Variants in CDH12 observed in about 807,000 individuals in gnomAD.
CDH12 encodes cadherin 12.
Under a neutral mutation model 74.1 loss-of-function variants are expected in CDH12, and 41 were observed. The ratio of observed to expected loss-of-function variants is 0.55; its 90% CI spans 0.43 to 0.72. The LOEUF is 0.72. Among genes scored for constraint, CDH12 ranks in the 30% least tolerant of loss-of-function variants. CDH12 has a pLI of 0.00. For synonymous variants in CDH12, 399 were observed against 355.0 expected (o/e 1.12, Z -1.39); for missense variants, 945 against 977.2 (o/e 0.97, Z 0.44).
At chr5:22,099,083 CCCA>C in intron 4 of CDH12, among the ~76,000 whole-genome samples, 1 of 152,092 alleles carries the variant, frequency 6.6e-6, no homozygotes, top group South Asian at 2.1e-4. Context: ...CTCAACATGC[CCCA>C]AGTCAGAAAA....
At chr5:22,750,035 C>T (rs565642551) in intron 1 of CDH12, among the ~76,000 whole-genome samples, 50 of 152,290 alleles carry the variant, frequency 3.3e-4, no homozygotes, top group African/African-American at 1.2e-3. Flanking sequence ...GGTAAGACAT[C>T]ATTCCTAATC....
At chr5:22,652,825 C>A (rs1012089162) in intron 1 of CDH12, among the ~76,000 whole-genome samples, 4 of 152,102 alleles carry the variant, frequency 2.6e-5, no homozygotes, top group Non-Finnish European at 5.9e-5. Context: ...AAAAGATGAT[C>A]ATCTGCAAAG....
At chr5:22,710,611 A>G (rs1024746842) in intron 1 of CDH12, among the ~76,000 whole-genome samples, 2 of 152,170 alleles carry the variant, frequency 1.3e-5, no homozygotes, top group African/African-American at 4.8e-5. Flanking sequence ...TTCTAACTTC[A>G]GATGCAATTG....
At chr5:22,082,580 A>C (rs2150229698) in intron 4 of CDH12, among the ~76,000 whole-genome samples, 1 of 152,306 alleles carries the variant, frequency 6.6e-6, no homozygotes, top group South Asian at 2.1e-4. Flanking sequence ...TTATTTCTGT[A>C]GGTTTTTATT....
At chr5:22,112,159 G>GA (rs1449590788) in intron 4 of CDH12, among the ~76,000 whole-genome samples, 18 of 151,154 alleles carry the variant, frequency 1.2e-4, no homozygotes, top group Admixed American at 5.3e-4. Context: ...TTTTGTAATT[G>GA]AAAAAAAACA....
At chr5:22,024,057 C>T (rs1316551913) in intron 5 of CDH12, among the ~76,000 whole-genome samples, 2 of 152,118 alleles carry the variant, frequency 1.3e-5, no homozygotes, top group African/African-American at 4.8e-5. Context: ...TTCCCACTAC[C>T]ATGGGGAGGT....
chr5:22,089,338 A>G (rs972979920), intron 4 of CDH12, among the ~76,000 whole-genome samples: 14 of 152,058 alleles, frequency 9.2e-5, no homozygotes, highest in South Asian at 4.1e-4. Context: ...AAACAGAAAA[A>G]TGGGATCCAC....
intron 5 of CDH12, among the ~76,000 whole-genome samples, chr5:22,042,646 G>A (rs1422860128): frequency 1.3e-5 from 2 of 151,996 alleles, no homozygotes; most frequent in African/African-American, 4.8e-5. Flanking sequence ...AGCACATTGG[G>A]AGGCCAAAGT....
At chr5:22,000,418 CCAAA>C (rs564814284) in intron 5 of CDH12, among the ~76,000 whole-genome samples, 330 of 152,248 alleles carry the variant, frequency 2.2e-3, no homozygotes, top group Non-Finnish European at 3.6e-3. Flanking sequence ...ATCTGCAAGA[CCAAA>C]CAGATAAAGC....
At chr5:22,001,370 C>A (rs1050331669) in intron 5 of CDH12, among the ~76,000 whole-genome samples, 5 of 152,040 alleles carry the variant, frequency 3.3e-5, no homozygotes, top group African/African-American at 1.2e-4. Flanking sequence ...GTATTTTGCC[C>A]AATTAAAATG....
chr5:21,949,690 C>A (rs573106815), intron 6 of CDH12, among the ~76,000 whole-genome samples: 70 of 150,960 alleles, frequency 4.6e-4, no homozygotes, highest in Admixed American at 7.9e-4. Flanking sequence ...ACAACAACAA[C>A]AAAAAAATTA....
At chr5:21,851,788 C>A (rs1393897661) in intron 7 of CDH12, among the ~76,000 whole-genome samples, 3 of 151,248 alleles carry the variant, frequency 2.0e-5, no homozygotes, top group African/African-American at 7.3e-5. Flanking sequence ...CTTGCCATAT[C>A]CACTTAGATA....
chr5:22,737,562 AGAAATT>A (rs1744800500), intron 1 of CDH12, among the ~76,000 whole-genome samples: 2 of 152,038 alleles, frequency 1.3e-5, no homozygotes, highest in Admixed American at 6.6e-5. Context: ...AAATAGAAAT[AGAAATT>A]ACTAACAAAA....
At chr5:22,849,502 C>T (rs959887300) in intron 1 of CDH12, among the ~76,000 whole-genome samples, 3 of 152,128 alleles carry the variant, frequency 2.0e-5, no homozygotes, top group African/African-American at 7.2e-5. Flanking sequence ...AAATACACTA[C>T]CTGTGTCCTA....
At chr5:22,811,445 C>G (rs959675573) in intron 1 of CDH12, among the ~76,000 whole-genome samples, 1 of 152,106 alleles carries the variant, frequency 6.6e-6, no homozygotes, top group African/African-American at 2.4e-5. Flanking sequence ...AGCTGAGAGA[C>G]TGATAGTCAT....
chr5:22,714,299 T>G (rs1743458442), intron 1 of CDH12, among the ~76,000 whole-genome samples: 1 of 152,298 alleles, frequency 6.6e-6, no homozygotes, highest in East Asian at 1.9e-4. Context: ...AGAAGCAAAC[T>G]TTCTAAATAG....
chr5:22,284,688 C>T (rs1249378260), intron 3 of CDH12, among the ~76,000 whole-genome samples: 2 of 152,158 alleles, frequency 1.3e-5, no homozygotes, highest in African/African-American at 4.8e-5. Flanking sequence ...AACAAGTCTA[C>T]ACCATCCCAT....
At chr5:22,023,440 T>C (rs1738128253) in intron 5 of CDH12, among the ~76,000 whole-genome samples, 2 of 152,168 alleles carry the variant, frequency 1.3e-5, no homozygotes, top group Admixed American at 1.3e-4. Context: ...ATGTATCCTG[T>C]GATGACAATG....
rs555960351 is a variant in CDH12 at position 22,232,419 on chromosome 5, G to A, written c.-332-19776C>T. On this transcript the variant is annotated intron_variant, in intron 3 of 14. Coordinates refer to ENST00000382254, the MANE Select transcript of CDH12 (RefSeq NM_004061.5). ...AAAATAAAAATTTTCAGAACTAAGT[G>A]ATAAAAAGTATTTAGTACATTTACT... 3.9e-4 allele frequency among the ~76,000 whole-genome samples: 59 copies of A among 151,848 alleles called. 1 individual carries two copies. Among genetic ancestry groups the A allele is most frequent in the Middle Eastern group, 3.4e-3 (1 of 294 alleles).
Sources: allele counts gnomAD v4.1 joint callset (sites outside exome capture counted in the v4.1 genomes callset), GRCh38; gene constraint gnomAD v4.1.1; transcripts MANE v1.5; gene names NCBI Gene and HGNC (gene_info 2026-07-23, HGNC 2026-07-21).